Variants in ZBTB20 observed in about 807,000 individuals in gnomAD.
ZBTB20 encodes the protein zinc finger and BTB domain containing 20, also known as zinc finger and BTB domain-containing protein 20.
ZBTB20 carries 9 observed loss-of-function variants against 56.9 expected under a neutral mutation model. That is an observed-to-expected ratio of 0.16 (90% CI 0.10 to 0.28). ZBTB20 has a LOEUF of 0.28. ZBTB20 is among the 10% of genes least tolerant of loss of function. The pLI is 1.00. For missense variants in ZBTB20, 655 were observed against 1,003.0 expected (o/e 0.65, Z 4.69); for synonymous variants, 417 against 420.7 (o/e 0.99, Z 0.11).
rs1368968109 is a variant in ZBTB20 at position 114,325,078 on chromosome 3, C to T, written c.*13927G>A. The T allele has an allele frequency of 6.6e-6, 1 of 152,154 alleles. No homozygotes were observed. The highest frequency in any genetic ancestry group is 1.5e-5 in the Non-Finnish European group (1 of 68,016). 9.4% of individuals were successfully genotyped at this position (152,154 alleles called of 1,614,324 possible). On this transcript the variant is annotated 3_prime_UTR_variant, in exon 12 of 12. Transcript: ENST00000675478. ...TTTGCCATGATGAAGATTACTAAGACACCCTGCTTTCATCTACTCTGAAAA... is the reference window on the plus strand; with the variant it reads ...TTTGCCATGATGAAGATTACTAAGATACCCTGCTTTCATCTACTCTGAAAA...
At chr3:114,401,759 AAAT>A (rs1275088439) in intron 7 of ZBTB20, among the ~76,000 whole-genome samples, 21 of 152,190 alleles carry the variant, frequency 1.4e-4, no homozygotes, top group African/African-American at 4.3e-4. Context: ...AAATAAAAAA[AAAT>A]AATAGGAGAG....
At chr3:114,558,903 A>G (rs754535370) in intron 6 of ZBTB20, among the ~76,000 whole-genome samples, 1 of 152,014 alleles carries the variant, frequency 6.6e-6, no homozygotes, top group African/African-American at 2.4e-5. Context: ...TGCTATTCCA[A>G]TTTGCCTGAA....
At chr3:114,513,028 C>G (rs2045583753) in intron 6 of ZBTB20, among the ~76,000 whole-genome samples, 1 of 152,130 alleles carries the variant, frequency 6.6e-6, no homozygotes, top group Non-Finnish European at 1.5e-5. Context: ...TTGGTATTTT[C>G]TGAACCTGGC....
intron 3 of ZBTB20, among the ~76,000 whole-genome samples, chr3:114,905,971 G>T (rs911345952): frequency 2.6e-5 from 4 of 151,764 alleles, no homozygotes; most frequent in African/African-American, 9.7e-5. Flanking sequence ...TAGTTCCTGA[G>T]ACAGATACCT....
intron 7 of ZBTB20, among the ~76,000 whole-genome samples, chr3:114,390,780 C>A (rs1490210703): frequency 6.6e-6 from 1 of 152,232 alleles, no homozygotes; most frequent in African/African-American, 2.4e-5. Flanking sequence ...CTATGAGGCA[C>A]CTGGATGAAT....
rs551785103 is a variant in ZBTB20 at position 114,511,536 on chromosome 3, G to A, written c.-294-11145C>T. ...AAGGACTTGGTTAGAGATCATATAT[G>A]TCTTATGTGAACTTTTAACCTCTCT... is the stretch of plus-strand genomic sequence containing the variant. On this transcript the variant is annotated intron_variant, in intron 6 of 11. Transcript: ENST00000675478. Among the ~76,000 whole-genome samples the A allele has an allele frequency of 2.6e-5, 4 of 152,202 alleles. No homozygotes were observed. In the East Asian group the frequency reaches 5.8e-4, roughly 22 times the overall value.
intron 6 of ZBTB20, among the ~76,000 whole-genome samples, chr3:114,554,467 A>G (rs1019606786): frequency 1.3e-5 from 2 of 152,158 alleles, no homozygotes; most frequent in Admixed American, 6.5e-5. Context: ...CTTTGCTCAG[A>G]GCAATACCTT....
chr3:115,051,885 C>T (rs1244802870), intron 2 of ZBTB20, among the ~76,000 whole-genome samples: 1 of 151,970 alleles, frequency 6.6e-6, no homozygotes, highest in East Asian at 1.9e-4. Flanking sequence ...GGGAAGCAAG[C>T]ATGGCTTACT....
chr3:114,598,485 T>C (rs552511048), intron 6 of ZBTB20, among the ~76,000 whole-genome samples: 2 of 151,664 alleles, frequency 1.3e-5, no homozygotes, highest in African/African-American at 4.8e-5. Flanking sequence ...ATAAAGAAAA[T>C]TAGTATACAT....
chr3:114,915,190 G>C (rs140862478), intron 3 of ZBTB20, among the ~76,000 whole-genome samples: 1 of 151,704 alleles, frequency 6.6e-6, no homozygotes, highest in East Asian at 1.9e-4. Context: ...GCAGTAAAGC[G>C]ATCAGGTCCC....
At chr3:114,663,589 C>A (rs1398565038) in intron 6 of ZBTB20, among the ~76,000 whole-genome samples, 1 of 151,582 alleles carries the variant, frequency 6.6e-6, no homozygotes, top group Non-Finnish European at 1.5e-5. Context: ...AAGACACAGA[C>A]TGGCAAGTTG....
chr3:114,844,188 C>T (rs2074533010), intron 4 of ZBTB20, among the ~76,000 whole-genome samples: 1 of 151,098 alleles, frequency 6.6e-6, no homozygotes, highest in South Asian at 2.1e-4. Context: ...AGTCAATATA[C>T]TGAGTGAAAG....
chr3:114,921,768 A>G (rs1461137040), intron 3 of ZBTB20, among the ~76,000 whole-genome samples: 4 of 151,368 alleles, frequency 2.6e-5, no homozygotes, highest in African/African-American at 9.7e-5. Context: ...AATGTAAATG[A>G]TGAGTTAATG....
chr3:114,661,747 T>G (rs2060736252), intron 6 of ZBTB20, among the ~76,000 whole-genome samples: 1 of 152,052 alleles, frequency 6.6e-6, no homozygotes, highest in African/African-American at 2.4e-5. Flanking sequence ...TGTGAATAAA[T>G]AAAAACTTGC....
At chr3:114,515,570 C>T (rs1472492103) in intron 6 of ZBTB20, among the ~76,000 whole-genome samples, 2 of 152,174 alleles carry the variant, frequency 1.3e-5, no homozygotes, top group African/African-American at 4.8e-5. Context: ...CAGTTTCATT[C>T]ATTACTCTAT....
intron 1 of ZBTB20, among the ~76,000 whole-genome samples, chr3:115,085,951 A>C (rs1014144208): frequency 6.6e-6 from 1 of 151,912 alleles, no homozygotes; most frequent in Non-Finnish European, 1.5e-5. Flanking sequence ...TCATAAAAAC[A>C]ATTTTTAAAA....
chr3:114,677,448 C>T (rs2061693905), intron 6 of ZBTB20, among the ~76,000 whole-genome samples: 1 of 152,120 alleles, frequency 6.6e-6, no homozygotes, highest in Non-Finnish European at 1.5e-5. Context: ...ATTAGATTCT[C>T]ATTGGAGCAC....
chr3:114,345,626 C>A (rs2080124332), intron 11 of ZBTB20, among the ~76,000 whole-genome samples: 1 of 152,124 alleles, frequency 6.6e-6, no homozygotes, highest in Non-Finnish European at 1.5e-5. Context: ...AATTGATTCT[C>A]AACTTCAGCA....
intron 2 of ZBTB20, among the ~76,000 whole-genome samples, chr3:115,004,217 C>A (rs1220884086): frequency 6.6e-6 from 1 of 151,510 alleles, no homozygotes; most frequent in Middle Eastern, 3.2e-3. Context: ...CAAAACTATC[C>A]CCCAACTTTC....
Sources: allele counts gnomAD v4.1 joint callset (sites outside exome capture counted in the v4.1 genomes callset), GRCh38; gene constraint gnomAD v4.1.1; transcripts MANE v1.5; gene names NCBI Gene and HGNC (gene_info 2026-07-23, HGNC 2026-07-21).